ANKRD28: variants seen among roughly 807,000 people sequenced by gnomAD.
ANKRD28 encodes ankyrin repeat domain 28, also known as serine/threonine-protein phosphatase 6 regulatory ankyrin repeat subunit A.
Under a neutral mutation model 126.5 loss-of-function variants are expected in ANKRD28, and 44 were observed. The observed-to-expected ratio is 0.35, with a 90% CI of 0.27 to 0.45. The LOEUF is 0.45. Among genes scored for constraint, ANKRD28 ranks in the 20% least tolerant of loss-of-function variants. The probability of loss-of-function intolerance (pLI) is 1.00; values close to 1 mark genes in which losing one functional copy is unlikely to be tolerated. For synonymous variants in ANKRD28, 442 were observed against 468.5 expected, an observed-to-expected ratio of 0.94 and a Z score of 0.73; for missense variants, 1,110 against 1,316.6, an observed-to-expected ratio of 0.84 and a Z score of 2.43.
intron 2 of ANKRD28, among the ~76,000 whole-genome samples, chr3:15,775,026 A>AG (rs1575629327): frequency 1.7e-5 from 2 of 115,200 alleles, no homozygotes; most frequent in South Asian, 3.5e-4. Context: ...ACAGGTGCCC[A>AG]CCACCACGCC....
intron 8 of ANKRD28, 102 bp downstream of exon 8, chr3:15,720,813 G>C: frequency 3.9e-6 from 4 of 1,024,832 alleles, no homozygotes; most frequent in Middle Eastern, 4.5e-4. Flanking sequence ...CCATGTTCTT[G>C]AGTTTATCAA....
intron 4 of ANKRD28, 118 bp downstream of exon 4, chr3:15,751,632 G>T: frequency 1.4e-6 from 1 of 708,368 alleles, no homozygotes; most frequent in Non-Finnish European, 2.4e-6. Context: ...AAAATGACCA[G>T]TCAAGGTATC....
intron 3 of ANKRD28, among the ~76,000 whole-genome samples, chr3:15,763,307 T>C (rs1031092512): frequency 3.9e-5 from 6 of 152,352 alleles, no homozygotes; most frequent in African/African-American, 1.2e-4. Flanking sequence ...ACCTCTCCCA[T>C]TCTCATTTCC....
chr3:15,801,319 A>C (rs1342101645), upstream of ANKRD28, among the ~76,000 whole-genome samples: 2 of 152,140 alleles, frequency 1.3e-5, no homozygotes, highest in Non-Finnish European at 2.9e-5. This position sits in a 1 kb window ranked among gnomAD's most constrained non-coding sequence, Gnocchi z 4.9. Flanking sequence ...GTTACACCTG[A>C]ATTTCTTTTT....
At chr3:15,858,561 G>T (rs763675684) in intron 1 of ANKRD28, among the ~76,000 whole-genome samples, 1 of 152,150 alleles carries the variant, frequency 6.6e-6, no homozygotes, top group Non-Finnish European at 1.5e-5. Flanking sequence ...CTTCTGTTCA[G>T]GAAAACAATG....
In ANKRD28 at chr3:15,690,237, A is replaced by G. The variant is rs977933534; in HGVS notation, c.1762-17T>C. 3.2e-6 allele frequency: 5 copies of G among 1,540,184 alleles called. No homozygotes were observed. Among genetic ancestry groups the G allele is most frequent in the Non-Finnish European group, 4.4e-6 (5 of 1,141,896 alleles). ...ATGATAGGCCTAGAAATAAATAAAAATGTAAATTTAAAACATACATATTTA... is the reference window on the plus strand; with the variant it reads ...ATGATAGGCCTAGAAATAAATAAAAGTGTAAATTTAAAACATACATATTTA... On this transcript the variant is annotated splice_polypyrimidine_tract_variant and intron_variant, in intron 17 of 27. Transcript: ENST00000683139.
intron 3 of ANKRD28, among the ~76,000 whole-genome samples, chr3:15,753,408 C>T (rs572429985): frequency 4.6e-5 from 7 of 152,350 alleles, no homozygotes; most frequent in Non-Finnish European, 5.9e-5. Context: ...TAGCGTCTTT[C>T]GTTTTCCCAC....
At chr3:15,764,498 T>C (rs1232019394) in intron 3 of ANKRD28, among the ~76,000 whole-genome samples, 1 of 151,766 alleles carries the variant, frequency 6.6e-6, no homozygotes, top group Non-Finnish European at 1.5e-5. Context: ...TAAGTCAACT[T>C]TGAGCATTTG....
intron 4 of ANKRD28, among the ~76,000 whole-genome samples, chr3:15,743,421 GACCAC>G (rs1160812546): frequency 6.6e-6 from 1 of 151,944 alleles, no homozygotes. Flanking sequence ...AGCTTGGAGA[GACCAC>G]ACAATATCTC....
chr3:15,767,791 G>A (rs985554014), intron 2 of ANKRD28, among the ~76,000 whole-genome samples: 8 of 149,806 alleles, frequency 5.3e-5, no homozygotes, highest in Non-Finnish European at 1.2e-4. Context: ...GGGAGGCTGA[G>A]GCAGGAGAAT....
chr3:15,712,956 A>C (rs1041229390), intron 10 of ANKRD28, among the ~76,000 whole-genome samples: 4 of 152,250 alleles, frequency 2.6e-5, no homozygotes, highest in Non-Finnish European at 5.9e-5. Context: ...AATGTGATAC[A>C]AAGAATGATA....
At chr3:15,859,227 C>G in intron 1 of ANKRD28, 7 of 1,232,830 alleles carry the variant, frequency 5.7e-6, no homozygotes, top group Non-Finnish European at 7.5e-6. Flanking sequence ...GGACCCCGGC[C>G]CGCCGTCTCG....
rs1169404428 is a variant in ANKRD28, at chr3:15,796,884, A to C, written c.-363T>G. ...TCTATCTCTGAAATTTACTTGCACA[A>C]AACAATCATTGTTTTTGGTGACACA... On this transcript the variant is annotated 5_prime_UTR_variant, in exon 1 of 28. Coordinates refer to ENST00000683139, the MANE Select transcript of ANKRD28 (RefSeq NM_001349278.2). 7 of 987,750 alleles carry C rather than the reference A, an allele frequency of 7.1e-6. No homozygotes were observed. The African/African-American group carries it at 1.2e-4, about 17-fold the overall frequency. The allele number at this position is 987,750 out of a possible 1,614,324, so 61.2% of individuals were successfully genotyped here.
At chr3:15,780,832 C>T (rs1188764360) in intron 2 of ANKRD28, among the ~76,000 whole-genome samples, 1 of 152,000 alleles carries the variant, frequency 6.6e-6, no homozygotes, top group African/African-American at 2.4e-5. Flanking sequence ...AGAACAGCCT[C>T]TTCAATAAAA....
rs140676289 is a variant in ANKRD28, at chr3:15,803,023, A to G, written c.28-7717T>C. ...AATGGGTGGCCCATGTGGCTGGGGA[A>G]GCAATCATGAGGGACAATATCACAT... On this transcript the variant is annotated intron_variant, in intron 1 of 27. Transcript: ENST00000399451. Among the ~76,000 whole-genome samples the G allele has an allele frequency of 4.3e-3, 662 of 152,364 alleles. 6 individuals are homozygous for G. The highest frequency in any genetic ancestry group is 0.015 in the African/African-American group (614 of 41,586).
chr3:15,723,274 T>C (rs924017532), intron 7 of ANKRD28, among the ~76,000 whole-genome samples: 2 of 152,248 alleles, frequency 1.3e-5, no homozygotes, highest in African/African-American at 4.8e-5. Flanking sequence ...GGTCCATCAG[T>C]TAAGAGCCTA....
At chr3:15,788,527 T>A (rs1346436195) in intron 2 of ANKRD28, among the ~76,000 whole-genome samples, 1 of 152,142 alleles carries the variant, frequency 6.6e-6, no homozygotes, top group Non-Finnish European at 1.5e-5. Context: ...TTAAATTGAG[T>A]AATACAAAAT....
intron 6 of ANKRD28, among the ~76,000 whole-genome samples, chr3:15,726,626 A>G (rs2074184282): frequency 1.3e-5 from 2 of 152,252 alleles, no homozygotes; most frequent in Admixed American, 6.5e-5. Context: ...GTGAAGCAGC[A>G]AGTGCTGATG....
At chr3:15,825,674 C>A (rs564109548) in intron 1 of ANKRD28, among the ~76,000 whole-genome samples, 1 of 151,852 alleles carries the variant, frequency 6.6e-6, no homozygotes, top group Non-Finnish European at 1.5e-5. Flanking sequence ...ATGAGTGACC[C>A]CTAAAACAAA....
Sources: gnomAD v4.1 joint callset for allele counts (sites outside exome capture counted in the v4.1 genomes callset) on GRCh38, gnomAD v4.1.1 for gene constraint, Gnocchi (gnomAD v3.1) non-coding constraint, MANE v1.5 for transcripts, NCBI Gene and HGNC (gene_info 2026-07-23, HGNC 2026-07-21) for gene names.